The following RASGRF2 variants were observed in gnomAD, a reference collection of about 807,000 sequenced individuals.
RASGRF2 encodes the protein Ras protein specific guanine nucleotide releasing factor 2, also known as ras-specific guanine nucleotide-releasing factor 2.
A neutral mutation model predicts 151.0 loss-of-function variants in RASGRF2; 76 were observed. The ratio of observed to expected loss-of-function variants is 0.50; its 90% CI spans 0.42 to 0.61. The LOEUF (loss-of-function observed/expected upper bound fraction) is 0.61, where lower values mean the gene tolerates loss of function less well. Ranked by LOEUF, RASGRF2 falls within the 20% of genes least tolerant of loss-of-function variation. The pLI, the probability that RASGRF2 is intolerant of heterozygous loss-of-function variation, is 0.00. For synonymous variants in RASGRF2, 504 were observed against 566.5 expected, an observed-to-expected ratio of 0.89 and a Z score of 1.57; for missense variants, 1,148 against 1,564.6, an observed-to-expected ratio of 0.73 and a Z score of 4.49.
At chr5:81,215,276 T>TC (rs1755711099) in intron 23 of RASGRF2, among the ~76,000 whole-genome samples, 2 of 149,558 alleles carry the variant, frequency 1.3e-5, no homozygotes, top group African/African-American at 4.9e-5. Context: ...TCTTTTTTTT[T>TC]TTTTTTTTTT....
At chr5:81,119,194 G>T (rs564316125) in intron 15 of RASGRF2, among the ~76,000 whole-genome samples, 4 of 152,138 alleles carry the variant, frequency 2.6e-5, no homozygotes, top group African/African-American at 9.7e-5. Context: ...TCAGGTATTC[G>T]TTATAGCAGT....
intron 1 of RASGRF2, among the ~76,000 whole-genome samples, chr5:81,038,631 A>C (rs2112384819): frequency 7.8e-6 from 1 of 128,174 alleles, no homozygotes; most frequent in Admixed American, 1.0e-4. Context: ...GCTGAAGTGC[A>C]GTGGTGGGAC....
At chr5:81,129,140 GTAAA>G (rs1429587075) in intron 17 of RASGRF2, among the ~76,000 whole-genome samples, 1 of 152,086 alleles carries the variant, frequency 6.6e-6, no homozygotes, top group Non-Finnish European at 1.5e-5. Flanking sequence ...AAGTAAATAA[GTAAA>G]TAAATAAATA....
intron 2 of RASGRF2, among the ~76,000 whole-genome samples, chr5:81,066,285 C>T (rs767713343): frequency 3.9e-5 from 6 of 151,950 alleles, no homozygotes; most frequent in Admixed American, 6.6e-5. Flanking sequence ...TTTCTCAGAA[C>T]GAGTGACTTA....
At chr5:81,214,406 A>G (rs1381900281) in intron 23 of RASGRF2, among the ~76,000 whole-genome samples, 7 of 152,146 alleles carry the variant, frequency 4.6e-5, no homozygotes, top group Admixed American at 2.0e-4. Context: ...CCTGCTTCAG[A>G]CACCTTTGAT....
chr5:81,047,380 T>A (rs764463416), intron 2 of RASGRF2, among the ~76,000 whole-genome samples: 7 of 152,202 alleles, frequency 4.6e-5, no homozygotes, highest in Non-Finnish European at 7.4e-5. Context: ...TTGAGAATGT[T>A]GAGCCTAGCA....
intron 1 of RASGRF2, among the ~76,000 whole-genome samples, chr5:80,962,579 T>A: frequency 6.6e-6 from 1 of 152,230 alleles, no homozygotes; most frequent in East Asian, 1.9e-4. Flanking sequence ...GTTTTCTTCA[T>A]ATTTATATTA....
intron 1 of RASGRF2, among the ~76,000 whole-genome samples, chr5:80,966,066 A>C (rs571776447): frequency 6.8e-6 from 1 of 147,400 alleles, no homozygotes; most frequent in East Asian, 1.9e-4. Context: ...TTTGTTCTAC[A>C]AGAAAGGGAT....
chr5:81,214,490 A>G (rs1755692475), intron 23 of RASGRF2, among the ~76,000 whole-genome samples: 2 of 152,202 alleles, frequency 1.3e-5, no homozygotes, highest in South Asian at 4.1e-4. Flanking sequence ...AGGCCTGATA[A>G]TCTGCACTCT....
intron 1 of RASGRF2, among the ~76,000 whole-genome samples, chr5:80,971,361 C>T (rs965522688): frequency 2.6e-5 from 4 of 152,198 alleles, no homozygotes; most frequent in African/African-American, 9.6e-5. Flanking sequence ...TTCTCTTCCT[C>T]AACATCATAT....
chr5:81,206,110 T>G lies in RASGRF2; in HGVS notation c.2907-735T>G, dbSNP rs549392371. On this transcript the variant is annotated intron_variant, in intron 19 of 26. Coordinates refer to ENST00000265080, the MANE Select transcript of RASGRF2 (RefSeq NM_006909.3). ...GATGCCTACTGGACTCCAGTTTTCC[T>G]GGACTCTGAACGTCTGTTGCACAAA... Among the ~76,000 whole-genome samples, 6 of 152,354 alleles carry G rather than the reference T, an allele frequency of 3.9e-5. No individual in the cohort carries two copies. In the East Asian group the frequency reaches 1.2e-3, roughly 29 times the overall value.
intron 7 of RASGRF2, among the ~76,000 whole-genome samples, chr5:81,083,203 T>C (rs1394264997): frequency 6.6e-6 from 1 of 152,060 alleles, no homozygotes; most frequent in Non-Finnish European, 1.5e-5. Context: ...TTAGCAGTGG[T>C]ACTTCTGCAT....
At chr5:81,215,282 T>A (rs1184515572) in intron 23 of RASGRF2, among the ~76,000 whole-genome samples, 1 of 149,896 alleles carries the variant, frequency 6.7e-6, no homozygotes, top group Non-Finnish European at 1.5e-5. Context: ...TTTTTTTTTT[T>A]TTTTTTGAGA....
At chr5:81,188,314 G>C (rs1469805125) in intron 18 of RASGRF2, among the ~76,000 whole-genome samples, 2 of 152,198 alleles carry the variant, frequency 1.3e-5, no homozygotes, top group Non-Finnish European at 2.9e-5. Flanking sequence ...TGTGAATAGG[G>C]CTTTTGTCCC....
At position 80,978,727 on chromosome 5, in the gene RASGRF2, C is replaced by T. The variant is rs193055377; in HGVS notation, c.288+17701C>T. Among the ~76,000 whole-genome samples the T allele has an allele frequency of 1.1e-4, 17 of 151,798 alleles. No homozygotes were observed. In the East Asian group the frequency reaches 3.1e-3, roughly 28 times the overall value. The stretch of plus-strand genomic sequence containing the variant: ...ACGTGAACCCAGGAGGCGGAGGCTG[C>T]AGTGAGCCAAGATCGTGCCATTGCA... On this transcript the variant is annotated intron_variant, in intron 1 of 26. Transcript: ENST00000265080.
At chr5:81,207,136 AG>A in intron 20 of RASGRF2, 109 bp from the exon 21 acceptor site, 1 of 940,078 alleles carries the variant, frequency 1.1e-6, no homozygotes, top group Non-Finnish European at 1.6e-6. Context: ...GTTAGAATTT[AG>A]TGGTGAACTT....
intron 1 of RASGRF2, among the ~76,000 whole-genome samples, chr5:81,036,127 G>A (rs1750483681): frequency 6.6e-6 from 1 of 152,038 alleles, no homozygotes; most frequent in Admixed American, 6.6e-5. Flanking sequence ...TAGATGAAAA[G>A]GATAATTTAG....
chr5:81,113,302 C>G, intron 14 of RASGRF2: 1 of 583,856 alleles, frequency 1.7e-6, no homozygotes, highest in Non-Finnish European at 3.0e-6. Context: ...CCAGAGATCT[C>G]AATGCTGCTG....
At chr5:81,087,308 A>G (rs1001231488) in intron 9 of RASGRF2, 7 of 702,962 alleles carry the variant, frequency 1.0e-5, no homozygotes, top group Admixed American at 8.0e-5. Context: ...AAGGCCCAGG[A>G]GAAACTTGCG....
Sources: gnomAD v4.1 joint callset for allele counts (sites outside exome capture counted in the v4.1 genomes callset) on GRCh38, gnomAD v4.1.1 for gene constraint, MANE v1.5 for transcripts, NCBI Gene and HGNC (gene_info 2026-07-23, HGNC 2026-07-21) for gene names.